DNAH10: variants seen among roughly 807,000 people sequenced by gnomAD.
DNAH10 encodes the protein dynein axonemal heavy chain 10.
DNAH10 carries 348 observed loss-of-function variants against 506.6 expected under a neutral mutation model. The ratio of observed to expected loss-of-function variants is 0.69; its 90% CI spans 0.63 to 0.75. DNAH10 has a LOEUF of 0.75. Among genes scored for constraint, DNAH10 ranks in the 30% least tolerant of loss-of-function variants. The pLI is 0.00. For missense variants in DNAH10, 5,179 were observed against 5,787.1 expected, an observed-to-expected ratio of 0.89 and a Z score of 3.41; for synonymous variants, 2,059 against 2,198.6, an observed-to-expected ratio of 0.94 and a Z score of 1.78.
intron 24 of DNAH10, among the ~76,000 whole-genome samples, chr12:123,826,368 C>T (rs563950598): frequency 7.2e-5 from 11 of 152,274 alleles, no homozygotes; most frequent in South Asian, 4.1e-4. Flanking sequence ...TTAAGACCCA[C>T]GCAACTCCCT....
At chr12:123,821,491 C>T (rs1415856125) in intron 24 of DNAH10, among the ~76,000 whole-genome samples, 3 of 152,024 alleles carry the variant, frequency 2.0e-5, no homozygotes, top group African/African-American at 7.2e-5. Flanking sequence ...CCACCATGCC[C>T]AGCTATTCTT....
intron 29 of DNAH10, among the ~76,000 whole-genome samples, chr12:123,839,225 A>C (rs2341780): frequency 6.7e-6 from 1 of 149,320 alleles, no homozygotes; most frequent in Non-Finnish European, 1.5e-5. Context: ...TAAAAAAAAA[A>C]AAAAAACAAA....
intron 2 of DNAH10, 102 bp from the exon 3 acceptor site, chr12:123,771,499 T>C (rs963371654): frequency 1.1e-6 from 1 of 942,878 alleles, no homozygotes; most frequent in Non-Finnish European, 1.7e-6. Flanking sequence ...ATAACTCGCC[T>C]TTTGAATGAA....
chr12:123,935,582 GGACT>G lies in DNAH10; in HGVS notation c.*105_*108del. The G allele has an allele frequency of 1.6e-6, 2 of 1,241,902 alleles. No individual in the cohort carries two copies. Among genetic ancestry groups the G allele is most frequent in the Non-Finnish European group, 2.2e-6 (2 of 914,248 alleles). 76.9% of individuals were successfully genotyped at this position (1,241,902 alleles called of 1,614,324 possible). ...TGGGGCCTCTCAAGAGGCAGGAGGG[GGACT>G]GACACTGATTTTTCATTTGAAATCA... On this transcript the variant is annotated 3_prime_UTR_variant, in exon 79 of 79. Transcript: ENST00000673944.
chr12:123,928,436 T>C lies in DNAH10; in HGVS notation c.12155T>C (p.Met4052Thr), dbSNP rs1203194227. The C allele has an allele frequency of 1.2e-6, 2 of 1,608,046 alleles. No homozygotes were observed. Among genetic ancestry groups the C allele is most frequent in the African/African-American group, 2.7e-5 (2 of 74,804 alleles). The stretch of plus-strand genomic sequence containing the variant: ...GCGGTGGCTCGGGGGCAGTGGCTGA[T>C]GCTGCAGAACTGCCACCTCCTGGTC... The part of the protein sequence containing the change: ...ETAVARGQWL[M>T]LQNCHLLVKW... The change falls in exon 70 of 79, where the codon ATG becomes ACG. Residue 4052 changes from methionine to threonine, a missense_variant. Physicochemically the swap from Met to Thr is moderately conservative, Grantham distance 81. Coordinates refer to ENST00000673944, the MANE Select transcript of DNAH10 (RefSeq NM_001372106.1). The surrounding 1 kb of genome is among the most constrained non-coding windows in gnomAD (Gnocchi z 4.9).
intron 34 of DNAH10, among the ~76,000 whole-genome samples, chr12:123,849,716 C>A (rs1360158863): frequency 6.6e-6 from 1 of 152,220 alleles, no homozygotes; most frequent in Non-Finnish European, 1.5e-5. Context: ...TGGAAAACTC[C>A]TATACATCCT....
At chr12:123,771,567 A>G (rs772699062) in intron 2 of DNAH10, 34 bp from the exon 3 acceptor site, 11 of 1,586,700 alleles carry the variant, frequency 6.9e-6, no homozygotes, top group Admixed American at 1.7e-5. Context: ...TAATTTTCTG[A>G]TTATTTTCTC....
chr12:123,820,865 A>T, intron 24 of DNAH10, 107 bp downstream of exon 24: 1 of 1,303,184 alleles, frequency 7.7e-7, no homozygotes, highest in Non-Finnish European at 1.1e-6. Flanking sequence ...CTTGGGTCTG[A>T]CGTTGTGGAA....
At position 123,813,831 on chromosome 12, in the gene DNAH10, T is replaced by C; in HGVS notation, c.3699T>C (p.Ile1233=). Residue 1233 remains isoleucine (I), a synonymous_variant, in exon 21 of 79, where the codon ATT becomes ATC. Transcript: ENST00000673944. ...TTGTCCTTGCAACAATTGCAGAAAT[T>C]AGAAGTAAATCTCTAGTCATGGAAC... ...LKFVLATIAE[I]RSKSLVMELR... The C allele has an allele frequency of 6.2e-7, 1 of 1,613,400 alleles. No individual in the cohort carries two copies. Among genetic ancestry groups the C allele is most frequent in the Non-Finnish European group, 8.5e-7 (1 of 1,179,754 alleles).
chr12:123,931,284 C>T lies in DNAH10; in HGVS notation c.12785-57C>T, dbSNP rs1441810875. ...TCTTGGAGACTTTGAGGCTGTGGGCCCTGAGAAAGCACAGGTGGCTGGACA... is the reference window on the plus strand; with the variant it reads ...TCTTGGAGACTTTGAGGCTGTGGGCTCTGAGAAAGCACAGGTGGCTGGACA... On this transcript the variant is annotated intron_variant, in intron 73 of 78. Coordinates refer to ENST00000673944, the MANE Select transcript of DNAH10 (RefSeq NM_001372106.1). 3 of 1,598,672 alleles carry T rather than the reference C, an allele frequency of 1.9e-6. No homozygotes were observed. In the African/African-American group the frequency reaches 4.0e-5, roughly 21 times the overall value.
Position 123,895,242 on chromosome 12 carries a change from C to G in DNAH10, c.9280+519C>G, listed in dbSNP as rs1422472330. Reference sequence around the variant, plus strand: ...TTTCTAGCGTTTCAAACACCTAAGGCCTTGGATATTAATTTTAATGTTTGA... The same window carrying G: ...TTTCTAGCGTTTCAAACACCTAAGGGCTTGGATATTAATTTTAATGTTTGA... On this transcript the variant is annotated intron_variant, in intron 54 of 78. Transcript: ENST00000673944. Among the ~76,000 whole-genome samples, 4 of 152,218 alleles carry G rather than the reference C, an allele frequency of 2.6e-5. 1 individual carries two copies. In the East Asian group the frequency reaches 7.7e-4, roughly 29 times the overall value.
chr12:123,834,210 A>G (rs1458813462), intron 27 of DNAH10, among the ~76,000 whole-genome samples: 1 of 152,082 alleles, frequency 6.6e-6, no homozygotes, highest in Non-Finnish European at 1.5e-5. Context: ...TTTGTGAGTA[A>G]AAAACAATTT....
Position 123,913,298 on chromosome 12 carries a change from G to A in DNAH10, c.10335G>A (p.Leu3445=), listed in dbSNP as rs1954315906. 1.2e-6 allele frequency: 2 copies of A among 1,600,342 alleles called. No homozygotes were observed. Among genetic ancestry groups the A allele is most frequent in the African/African-American group, 2.7e-5 (2 of 74,660 alleles). The change falls in exon 60 of 79, where the codon CTG becomes CTA. Residue 3445 remains leucine, a synonymous_variant. Transcript: ENST00000673944. The surrounding 1 kb of genome is among the most constrained non-coding windows in gnomAD (Gnocchi z 5.1). ...CCGCAGACAAACTCATCTCGGGTCT[G>A]GGGTCAGAAAACATCAGGTTAGCGC... ...LIAADKLISG[L]GSENIRWLND... is the part of the protein sequence containing the mutation.
chr12:123,933,940 T>G, intron 77 of DNAH10: 1 of 446,290 alleles, frequency 2.2e-6, no homozygotes, highest in Non-Finnish European at 3.9e-6. Flanking sequence ...CCCTTAGACA[T>G]TGGTTACTGA....
intron 73 of DNAH10, 70 bp downstream of exon 73, chr12:123,930,643 C>A (rs1204062021): frequency 1.3e-6 from 2 of 1,543,878 alleles, no homozygotes; most frequent in Admixed American, 2.1e-5. Flanking sequence ...TTTCAACCGG[C>A]TCCTCTCCTG....
intron 10 of DNAH10, 60 bp downstream of exon 10, chr12:123,788,062 G>C: frequency 6.5e-7 from 1 of 1,539,218 alleles, no homozygotes; most frequent in Non-Finnish European, 8.8e-7. Context: ...GCTTTTGACA[G>C]TGGCCCCCTC....
In DNAH10 at chr12:123,785,361, G is replaced by A. The variant is rs183230284; in HGVS notation, c.1231-385G>A. On this transcript the variant is annotated intron_variant, in intron 8 of 78. Coordinates refer to ENST00000673944, the MANE Select transcript of DNAH10 (RefSeq NM_001372106.1). The surrounding 1 kb of genome is among the most constrained non-coding windows in gnomAD (Gnocchi z 4.1). ...TGCTTATTGTCAATTTCATATTGTT[G>A]GTGAAATGTCTGTTTTAATCTTTTG... 1.6e-4 allele frequency among the ~76,000 whole-genome samples: 25 copies of A among 152,226 alleles called. No homozygotes were observed. The highest frequency in any genetic ancestry group is 6.0e-4 in the African/African-American group (25 of 41,522).
intron 67 of DNAH10, among the ~76,000 whole-genome samples, chr12:123,924,640 GTCCATCCA>G (rs201642127): frequency 6.6e-6 from 1 of 151,582 alleles, no homozygotes; most frequent in African/African-American, 2.4e-5. Context: ...CTGTCCGTCC[GTCCATCCA>G]TCCATCCACC....
intron 29 of DNAH10, among the ~76,000 whole-genome samples, chr12:123,838,926 C>T (rs947287449): frequency 6.6e-6 from 1 of 152,194 alleles, no homozygotes; most frequent in Non-Finnish European, 1.5e-5. Flanking sequence ...GATCTGCCAC[C>T]TCAGCTGCCT....
Sources: gnomAD v4.1 joint callset for allele counts (sites outside exome capture counted in the v4.1 genomes callset) on GRCh38, gnomAD v4.1.1 for gene constraint, Gnocchi (gnomAD v3.1) non-coding constraint, MANE v1.5 for transcripts, NCBI Gene and HGNC (gene_info 2026-07-23, HGNC 2026-07-21) for gene names.